Variants in AAMDC observed in about 807,000 individuals in gnomAD.
The protein encoded by AAMDC is adipogenesis associated Mth938 domain containing.
A neutral mutation model predicts 15.5 loss-of-function variants in AAMDC; 16 were observed. That is an observed-to-expected ratio of 1.03 (90% CI 0.70 to 1.57). The LOEUF is 1.57. AAMDC is among the 40% of genes most tolerant of loss of function. AAMDC has a pLI of 0.00. For missense variants in AAMDC, 141 were observed against 144.9 expected (o/e 0.97, Z 0.14); for synonymous variants, 51 against 51.6 (o/e 0.99, Z 0.05).
chr11:77,898,731 A>G (rs1952640502), intron 5 of AAMDC, among the ~76,000 whole-genome samples: 2 of 152,192 alleles, frequency 1.3e-5, no homozygotes, highest in East Asian at 3.8e-4. Flanking sequence ...TTTGCATACA[A>G]TAATCCAGCC....
intron 5 of AAMDC, among the ~76,000 whole-genome samples, chr11:77,881,398 C>G (rs1244970671): frequency 6.6e-6 from 1 of 152,106 alleles, no homozygotes; most frequent in Non-Finnish European, 1.5e-5. Context: ...GGCCCCATCA[C>G]CTAGATTAGG....
downstream of AAMDC, chr11:77,877,033 T>C (rs1951615821): frequency 4.3e-6 from 3 of 702,988 alleles, no homozygotes; most frequent in African/African-American, 3.5e-5. Context: ...GGCACATCCT[T>C]GAGAGATGCA....
chr11:77,879,093 G>C, intron 5 of AAMDC: 1 of 1,614,088 alleles, frequency 6.2e-7, no homozygotes, highest in Non-Finnish European at 8.5e-7. Context: ...TGGAGTTGTA[G>C]GCCAGCAGCA....
At chr11:77,890,537 TGAAA>T (rs1952216941) in intron 5 of AAMDC, among the ~76,000 whole-genome samples, 1 of 151,934 alleles carries the variant, frequency 6.6e-6, no homozygotes, top group South Asian at 2.1e-4. Flanking sequence ...AGAGGTGCTT[TGAAA>T]GGGTTTTTTA....
intron 2 of AAMDC, among the ~76,000 whole-genome samples, chr11:77,856,474 C>G (rs776572373): frequency 6.6e-6 from 1 of 152,142 alleles, no homozygotes; most frequent in Non-Finnish European, 1.5e-5. Flanking sequence ...TATAGCAATA[C>G]CCCCTTCCTG....
intron 5 of AAMDC, among the ~76,000 whole-genome samples, chr11:77,900,261 G>C (rs1248943380): frequency 6.6e-6 from 1 of 151,858 alleles, no homozygotes; most frequent in Admixed American, 6.6e-5. Flanking sequence ...CACCATGCCC[G>C]GCTAATTTTA....
intron 5 of AAMDC, among the ~76,000 whole-genome samples, chr11:77,888,446 T>A (rs1451463361): frequency 6.6e-6 from 1 of 152,188 alleles, no homozygotes; most frequent in Non-Finnish European, 1.5e-5. Context: ...AAGACTTACA[T>A]GTTACACCTA....
At chr11:77,821,613 C>G (rs1315481942) in intron 1 of AAMDC, among the ~76,000 whole-genome samples, 1 of 151,950 alleles carries the variant, frequency 6.6e-6, no homozygotes, top group African/African-American at 2.4e-5. Flanking sequence ...GGAAGGGGCT[C>G]TGTTCAGGGA....
chr11:77,903,791 A>C (rs1198648615), downstream of AAMDC, among the ~76,000 whole-genome samples: 3 of 152,226 alleles, frequency 2.0e-5, no homozygotes, highest in Non-Finnish European at 4.4e-5. Context: ...AGATGAGACC[A>C]ATGGTTTGGG....
intron 1 of AAMDC, among the ~76,000 whole-genome samples, chr11:77,838,555 T>C (rs1054907168): frequency 1.3e-5 from 2 of 151,980 alleles, no homozygotes; most frequent in Admixed American, 6.6e-5. Context: ...GAAACAAGTC[T>C]GTCAATATTT....
chr11:77,871,183 C>A (rs1590979302), intron 3 of AAMDC, among the ~76,000 whole-genome samples: 1 of 152,100 alleles, frequency 6.6e-6, no homozygotes, highest in East Asian at 1.9e-4. Flanking sequence ...TTTTATAAAT[C>A]TCAAATATAT....
At chr11:77,857,728 G>A (rs901047058) in intron 2 of AAMDC, among the ~76,000 whole-genome samples, 10 of 144,456 alleles carry the variant, frequency 6.9e-5, no homozygotes, top group Admixed American at 1.4e-4. Flanking sequence ...ATGGAGTCTC[G>A]CTCTGTCACC....
intron 5 of AAMDC, among the ~76,000 whole-genome samples, chr11:77,896,821 C>T (rs1375414517): frequency 6.7e-6 from 1 of 149,006 alleles, no homozygotes. Flanking sequence ...AAAAAAAAAT[C>T]CCTGAGCCAA....
At chr11:77,886,705 G>A (rs1952024663) in intron 5 of AAMDC, among the ~76,000 whole-genome samples, 1 of 152,174 alleles carries the variant, frequency 6.6e-6, no homozygotes, top group African/African-American at 2.4e-5. Context: ...ACTCTAGTCT[G>A]GCAGGGTGAA....
At chr11:77,897,402 G>A (rs1176165380) in intron 5 of AAMDC, among the ~76,000 whole-genome samples, 1 of 151,192 alleles carries the variant, frequency 6.6e-6, no homozygotes, top group African/African-American at 2.4e-5. Flanking sequence ...CAAGGATTAT[G>A]TACTTATAAC....
At chr11:77,871,982 T>C (rs1951450930) in intron 3 of AAMDC, among the ~76,000 whole-genome samples, 193 bp from the exon 4 acceptor site, 1 of 152,240 alleles carries the variant, frequency 6.6e-6, no homozygotes, top group African/African-American at 2.4e-5. Context: ...ATGGGTATTA[T>C]GATACCTCTG....
downstream of AAMDC, among the ~76,000 whole-genome samples, chr11:77,873,029 T>C (rs1324123535): frequency 6.6e-6 from 1 of 152,190 alleles, no homozygotes; most frequent in African/African-American, 2.4e-5. Context: ...CAGATAGTCT[T>C]TGTTCTATTA....
chr11:77,873,538 T>C (rs994141629), downstream of AAMDC, among the ~76,000 whole-genome samples: 1 of 152,240 alleles, frequency 6.6e-6, no homozygotes, highest in East Asian at 1.9e-4. Context: ...CTATTACTAA[T>C]TTTCTTATGA....
Position 77,834,772 on chromosome 11 carries a change from G to A in AAMDC, c.-18-7707G>A, listed in dbSNP as rs139101117. 2.1e-3 allele frequency among the ~76,000 whole-genome samples: 322 copies of A among 152,236 alleles called. 1 individual carries two copies. Among genetic ancestry groups the A allele is most frequent in the African/African-American group, 7.3e-3 (304 of 41,536 alleles). ...CTAGGAAAAGACTGAATAAGTACTT[G>A]CAGAAGAATGTTTCTAGTATCAAGA... On this transcript the variant is annotated intron_variant, in intron 1 of 3. Transcript: ENST00000393427.
Sources: gnomAD v4.1 joint callset for allele counts (sites outside exome capture counted in the v4.1 genomes callset) on GRCh38, gnomAD v4.1.1 for gene constraint, MANE v1.5 for transcripts, NCBI Gene and HGNC (gene_info 2026-07-23, HGNC 2026-07-21) for gene names.